The following SMARCC1 variants were observed in gnomAD, a reference collection of about 807,000 sequenced individuals.
The protein encoded by SMARCC1 is SWI/SNF complex subunit SMARCC1.
Under a neutral mutation model 147.4 loss-of-function variants are expected in SMARCC1, and 43 were observed. The ratio of observed to expected loss-of-function variants is 0.29; its 90% CI spans 0.23 to 0.38. SMARCC1 has a LOEUF of 0.38. Ranked by LOEUF, SMARCC1 falls within the 10% of genes least tolerant of loss-of-function variation. The pLI is 1.00. For missense variants in SMARCC1, 1,119 were observed against 1,381.1 expected, an observed-to-expected ratio of 0.81 and a Z score of 3.01; for synonymous variants, 495 against 484.4, an observed-to-expected ratio of 1.02 and a Z score of -0.29.
rs1044470908 is a variant in SMARCC1, at chr3:47,706,542, T to C, written c.919-12A>G. 3.2e-6 allele frequency: 5 copies of C among 1,539,806 alleles called. 1 individual carries two copies. In the East Asian group the frequency reaches 7.5e-5, roughly 23 times the overall value. ...GGACTTCTGACTGGCTAGGAAGAAG[T>C]AAATGGAAATAAGTATCAGCTATCT... On this transcript the variant is annotated splice_polypyrimidine_tract_variant and intron_variant, in intron 9 of 27. Transcript: ENST00000254480.
chr3:47,781,843 C>T lies in SMARCC1; in HGVS notation c.-46G>A. On this transcript the variant is annotated 5_prime_UTR_variant, in exon 1 of 28. Coordinates refer to ENST00000254480, the MANE Select transcript of SMARCC1 (RefSeq NM_003074.4). ...ACAGCCTGGCCCACCCCGGCCCTCG[C>T]GGTGTTTCCCGGTCGTTCCCGCGCG... The T allele has an allele frequency of 8.1e-7, 1 of 1,239,818 alleles. No individual in the cohort carries two copies. Among genetic ancestry groups the T allele is most frequent in the Non-Finnish European group, 1.0e-6 (1 of 975,646 alleles). 76.8% of individuals were successfully genotyped at this position (1,239,818 alleles called of 1,614,324 possible).
At chr3:47,692,754 G>T (rs1315173418) in intron 12 of SMARCC1, among the ~76,000 whole-genome samples, 4 of 152,128 alleles carry the variant, frequency 2.6e-5, no homozygotes, top group African/African-American at 9.7e-5. Flanking sequence ...CAGTCACGGT[G>T]GCTCACGCCT....
At chr3:47,777,930 G>T (rs1171184017) in intron 1 of SMARCC1, among the ~76,000 whole-genome samples, 1 of 151,626 alleles carries the variant, frequency 6.6e-6, no homozygotes, top group African/African-American at 2.4e-5. Context: ...TGTAGGCCAG[G>T]CACAGTGGCT....
intron 25 of SMARCC1, among the ~76,000 whole-genome samples, chr3:47,619,315 T>A (rs2032693235): frequency 1.3e-5 from 2 of 152,242 alleles, no homozygotes; most frequent in African/African-American, 4.8e-5. Flanking sequence ...CGCACTCATT[T>A]AAGTAAGGGC....
At chr3:47,624,302 A>G (rs2106687821) in intron 24 of SMARCC1, among the ~76,000 whole-genome samples, 1 of 152,236 alleles carries the variant, frequency 6.6e-6, no homozygotes, top group African/African-American at 2.4e-5. Context: ...AAAAAATAAA[A>G]AATAAAATAA....
At chr3:47,706,252 A>AGTAGAGACGAGG (rs1486851742) in intron 10 of SMARCC1, among the ~76,000 whole-genome samples, 157 bp downstream of exon 10, 4 of 151,728 alleles carry the variant, frequency 2.6e-5, no homozygotes, top group Non-Finnish European at 5.9e-5. Flanking sequence ...TTATATTTTT[A>AGTAGAGACGAGG]GTAGAGACGA....
At position 47,633,839 on chromosome 3, in the gene SMARCC1, C is replaced by G. The variant is rs547646742; in HGVS notation, c.2646+1351G>C. 1.2e-3 allele frequency among the ~76,000 whole-genome samples: 167 copies of G among 137,702 alleles called. 1 individual carries two copies. The highest frequency in any genetic ancestry group is 2.1e-3 in the Non-Finnish European group (134 of 63,544). The allele number at this position is 137,702 out of a possible 152,430, so 90.3% of individuals were successfully genotyped here. ...ACACATATATATAAAATGTGAGAGACTATGACCACGATAATCCTTCAGATC... is the reference window on the plus strand; with the variant it reads ...ACACATATATATAAAATGTGAGAGAGTATGACCACGATAATCCTTCAGATC... On this transcript the variant is annotated intron_variant, in intron 24 of 27. Transcript: ENST00000254480.
intron 11 of SMARCC1, among the ~76,000 whole-genome samples, chr3:47,695,207 C>A (rs2033834115): frequency 6.6e-6 from 1 of 152,166 alleles, no homozygotes; most frequent in South Asian, 2.1e-4. Context: ...GTGGCTCATG[C>A]CTGTAAGTCC....
intron 18 of SMARCC1, among the ~76,000 whole-genome samples, chr3:47,671,244 A>G (rs1331135779): frequency 6.6e-6 from 1 of 151,190 alleles, no homozygotes; most frequent in Admixed American, 6.6e-5. Flanking sequence ...CTGTCAAACA[A>G]GGACCCATAA....
intron 11 of SMARCC1, among the ~76,000 whole-genome samples, chr3:47,697,425 C>A (rs977239005): frequency 6.6e-6 from 1 of 151,596 alleles, no homozygotes; most frequent in African/African-American, 2.4e-5. Flanking sequence ...CTCAGCCTCC[C>A]GAGTAGCCTG....
chr3:47,765,987 C>T lies in SMARCC1; in HGVS notation c.315+6830G>A, dbSNP rs189385029. On this transcript the variant is annotated intron_variant, in intron 2 of 27. Coordinates refer to ENST00000254480, the MANE Select transcript of SMARCC1 (RefSeq NM_003074.4). The stretch of plus-strand genomic sequence containing the variant: ...ACCTCAGGTGATCCACCTACCTCAG[C>T]CTCCCAAAGTGCTGGGATTACAGGC... 3.1e-3 allele frequency among the ~76,000 whole-genome samples: 478 copies of T among 152,268 alleles called. 4 individuals are homozygous for T. In the East Asian group the frequency reaches 0.039, roughly 12 times the overall value.
Position 47,628,228 on chromosome 3 carries a change from A to T in SMARCC1, c.2647-5887T>A, listed in dbSNP as rs2032840418. Among the ~76,000 whole-genome samples, 4 of 152,140 alleles carry T rather than the reference A, an allele frequency of 2.6e-5. No homozygotes were observed. In the South Asian group the frequency reaches 8.3e-4, roughly 31 times the overall value. ...CCACAATTTCCTAACCAAGCTCTTTATGACCTTTCAGGAATAACTGCCTTT... is the reference window on the plus strand; with the variant it reads ...CCACAATTTCCTAACCAAGCTCTTTTTGACCTTTCAGGAATAACTGCCTTT... On this transcript the variant is annotated intron_variant, in intron 24 of 27. Coordinates refer to ENST00000254480, the MANE Select transcript of SMARCC1 (RefSeq NM_003074.4).
Position 47,587,915 on chromosome 3 carries a change from C to A in SMARCC1, c.*294G>T. 2.5e-6 allele frequency: 1 copy of A among 395,312 alleles called. No individual in the cohort carries two copies. The highest frequency in any genetic ancestry group is 3.6e-5 in the South Asian group (1 of 28,122). 24.5% of individuals were successfully genotyped at this position (395,312 alleles called of 1,614,324 possible). A position where few individuals can be genotyped will look rare whatever the true frequency, so the allele number is the denominator to read the frequency against. Reference sequence around the variant, plus strand: ...CATAGCATGCTAAAGTTGACAGGACCTGCAGAGAAACTGTCAGCTTACTCC... The same window carrying A: ...CATAGCATGCTAAAGTTGACAGGACATGCAGAGAAACTGTCAGCTTACTCC... On this transcript the variant is annotated 3_prime_UTR_variant, in exon 28 of 28. Transcript: ENST00000254480.
At chr3:47,642,333 T>C (rs545128956) in intron 21 of SMARCC1, among the ~76,000 whole-genome samples, 2 of 152,206 alleles carry the variant, frequency 1.3e-5, no homozygotes, top group African/African-American at 4.8e-5. Context: ...CTCGGACCTG[T>C]AATCCCAACA....
At chr3:47,710,251 G>A (rs2034067598) in intron 9 of SMARCC1, among the ~76,000 whole-genome samples, 1 of 152,204 alleles carries the variant, frequency 6.6e-6, no homozygotes, top group South Asian at 2.1e-4. Flanking sequence ...CCAAGAGGCA[G>A]AGGTTGCAGT....
rs560666468 is a variant in SMARCC1 at position 47,763,015 on chromosome 3, G to A, written c.315+9802C>T. On this transcript the variant is annotated intron_variant, in intron 2 of 27. Coordinates refer to ENST00000254480, the MANE Select transcript of SMARCC1 (RefSeq NM_003074.4). ...CAGGAGGCGGAGGTTGCAGTGAGCC[G>A]AGATCACGCCACTACACTCTAGCCT... is the stretch of plus-strand genomic sequence containing the variant. Among the ~76,000 whole-genome samples, 278 of 150,754 alleles carry A rather than the reference G, an allele frequency of 1.8e-3. No homozygotes were observed. In the Middle Eastern group the frequency reaches 0.034, roughly 19 times the overall value.
At chr3:47,614,652 C>G (rs2032611939) in intron 25 of SMARCC1, among the ~76,000 whole-genome samples, 1 of 152,282 alleles carries the variant, frequency 6.6e-6, no homozygotes, top group Non-Finnish European at 1.5e-5. Context: ...CCACGGCTGA[C>G]ACCCTGGTCC....
chr3:47,769,707 C>T (rs1002090234), intron 2 of SMARCC1, among the ~76,000 whole-genome samples: 6 of 152,080 alleles, frequency 3.9e-5, no homozygotes, highest in African/African-American at 1.4e-4. Context: ...ACTGTGAGTC[C>T]CCTGAGGACA....
At chr3:47,764,451 CATCA>C (rs1219442370) in intron 2 of SMARCC1, among the ~76,000 whole-genome samples, 5 of 152,120 alleles carry the variant, frequency 3.3e-5, no homozygotes, top group East Asian at 1.9e-4. Context: ...ATAAATGAAA[CATCA>C]ATCAAATAAA....
Sources: allele counts gnomAD v4.1 joint callset (sites outside exome capture counted in the v4.1 genomes callset), GRCh38; gene constraint gnomAD v4.1.1; transcripts MANE v1.5; gene names NCBI Gene and HGNC (gene_info 2026-07-23, HGNC 2026-07-21).